The following SLC9C1 variants were observed in gnomAD, a reference collection of about 807,000 sequenced individuals.
The protein encoded by SLC9C1 is sodium/hydrogen exchanger 10.
Under a neutral mutation model 140.9 loss-of-function variants are expected in SLC9C1, and 97 were observed. The ratio of observed to expected loss-of-function variants is 0.69; its 90% CI spans 0.58 to 0.82. SLC9C1 has a LOEUF of 0.82. Ranked by LOEUF, SLC9C1 falls within the 40% of genes least tolerant of loss-of-function variation. The pLI is 0.00. For synonymous variants in SLC9C1, 440 were observed against 442.6 expected, an observed-to-expected ratio of 0.99 and a Z score of 0.07; for missense variants, 1,340 against 1,389.3, an observed-to-expected ratio of 0.96 and a Z score of 0.56.
At chr3:112,290,832 T>A (rs2080659694) in intron 1 of SLC9C1, among the ~76,000 whole-genome samples, 1 of 143,492 alleles carries the variant, frequency 7.0e-6, no homozygotes, top group African/African-American at 2.6e-5. Flanking sequence ...TTTTTTTTGA[T>A]CTTTGTTGGC....
chr3:112,183,252 C>G (rs2077471289), intron 20 of SLC9C1, among the ~76,000 whole-genome samples: 1 of 148,994 alleles, frequency 6.7e-6, no homozygotes, highest in Non-Finnish European at 1.5e-5. Flanking sequence ...TTGGTATTGT[C>G]AATTTAAAAA....
intron 26 of SLC9C1, among the ~76,000 whole-genome samples, chr3:112,162,217 C>G (rs368104619): frequency 6.6e-6 from 1 of 152,178 alleles, no homozygotes; most frequent in South Asian, 2.1e-4. Flanking sequence ...CATCTGCAAA[C>G]AGGGACAATT....
chr3:112,238,107 A>T (rs1263313799), intron 12 of SLC9C1, among the ~76,000 whole-genome samples: 2 of 152,126 alleles, frequency 1.3e-5, no homozygotes, highest in Non-Finnish European at 2.9e-5. Flanking sequence ...TCAGACGTAG[A>T]TTTGGTCTTT....
intron 12 of SLC9C1, among the ~76,000 whole-genome samples, chr3:112,235,872 A>G (rs181661400): frequency 6.6e-6 from 1 of 152,190 alleles, no homozygotes; most frequent in Non-Finnish European, 1.5e-5. Flanking sequence ...TTGGTTTGCC[A>G]GTATTTTATT....
chr3:112,165,082 C>T (rs1398088604), intron 26 of SLC9C1, among the ~76,000 whole-genome samples: 2 of 152,206 alleles, frequency 1.3e-5, no homozygotes, highest in African/African-American at 2.4e-5. Flanking sequence ...GAGGCTTGTG[C>T]GTTCATCACG....
At chr3:112,244,138 TTACCA>T in intron 10 of SLC9C1, 62 bp from the exon 11 acceptor site, 2 of 1,012,400 alleles carry the variant, frequency 2.0e-6, no homozygotes, top group Non-Finnish European at 2.9e-6. Context: ...TAGCCTATAT[TTACCA>T]ATATAAATTA....
At chr3:112,165,971 G>T (rs894029448) in intron 26 of SLC9C1, among the ~76,000 whole-genome samples, 16 of 152,146 alleles carry the variant, frequency 1.1e-4, no homozygotes, top group Non-Finnish European at 1.6e-4. Flanking sequence ...AAGCAATGGC[G>T]GGTCCCCCTC....
Position 112,141,188 on chromosome 3 carries a change from T to C in SLC9C1, c.*84A>G. On this transcript the variant is annotated 3_prime_UTR_variant, in exon 29 of 29. Transcript: ENST00000305815. ...CAGGATCCAACCTGAAGTTACTCCT[T>C]CTTGATGTAGGGAAGTGTGTTTCTG... 2.9e-6 allele frequency: 4 copies of C among 1,382,984 alleles called. No homozygotes were observed. Among genetic ancestry groups the C allele is most frequent in the South Asian group, 1.7e-5 (1 of 59,046 alleles). The allele number at this position is 1,382,984 out of a possible 1,614,324, so 85.7% of individuals were successfully genotyped here. A position where few individuals can be genotyped will look rare whatever the true frequency, so the allele number is the denominator to read the frequency against.
At chr3:112,262,198 C>A (rs1382233945) in intron 10 of SLC9C1, among the ~76,000 whole-genome samples, 1 of 151,944 alleles carries the variant, frequency 6.6e-6, no homozygotes, top group East Asian at 1.9e-4. Flanking sequence ...TGACACTGAT[C>A]TTGAATATTT....
chr3:112,146,588 A>G (rs761341907), intron 28 of SLC9C1, among the ~76,000 whole-genome samples: 1 of 152,166 alleles, frequency 6.6e-6, no homozygotes, highest in African/African-American at 2.4e-5. Flanking sequence ...TCAGAAGTCA[A>G]TTGTTTAATT....
chr3:112,217,601 T>A, intron 14 of SLC9C1, 40 bp from the exon 15 acceptor site: 1 of 1,527,680 alleles, frequency 6.5e-7, no homozygotes, highest in Non-Finnish European at 8.8e-7. Context: ...CTTTAAACAT[T>A]TTGAGATAAG....
intron 1 of SLC9C1, among the ~76,000 whole-genome samples, chr3:112,292,208 T>G (rs1290210745): frequency 1.3e-5 from 2 of 152,150 alleles, no homozygotes; most frequent in Non-Finnish European, 2.9e-5. Flanking sequence ...ACAACAAATC[T>G]CCATGACATG....
chr3:112,160,802 G>A (rs1451301814), intron 26 of SLC9C1, among the ~76,000 whole-genome samples: 1 of 151,564 alleles, frequency 6.6e-6, no homozygotes, highest in Non-Finnish European at 1.5e-5. Context: ...GGATGGCTGG[G>A]TCAAATGGTA....
rs775035225 is a variant in SLC9C1 at position 112,199,333 on chromosome 3, A to T, written c.2511T>A (p.Ala837=). Reference sequence around the variant, plus strand: ...TATTTTGCCTTACCTTATTAATTCCAGCACCTTCAGTTTTACTAATAATTC... The same window carrying T: ...TATTTTGCCTTACCTTATTAATTCCTGCACCTTCAGTTTTACTAATAATTC... ...LKGIISKTEG[A]GINKLIMAKK... is the part of the protein sequence containing the mutation. Residue 837 remains alanine, a synonymous_variant, in exon 20 of 29, where the codon GCT becomes GCA. Coordinates refer to ENST00000305815, the MANE Select transcript of SLC9C1 (RefSeq NM_183061.3). 6.4e-7 allele frequency: 1 copy of T among 1,573,728 alleles called. No homozygotes were observed. The highest frequency in any genetic ancestry group is 8.6e-7 in the Non-Finnish European group (1 of 1,163,934).
In SLC9C1 at chr3:112,263,044, G is replaced by A. The variant is rs1409432306; in HGVS notation, c.1077C>T (p.Phe359=). 6.2e-7 allele frequency: 1 copy of A among 1,600,430 alleles called. No homozygotes were observed. The highest frequency in any genetic ancestry group is 8.5e-7 in the Non-Finnish European group (1 of 1,174,334). The change falls in exon 10 of 29, where the codon TTC becomes TTT. Residue 359 remains phenylalanine (F), a synonymous_variant. Transcript: ENST00000305815. ...SPVLSRVGHE[F]SWRWIFIMVC... ...CCATTATGAATATCCAGCGCCAACT[G>A]AACTCATGACCAACTCGAGACAAAA...
At chr3:112,161,830 G>A (rs1047868775) in intron 26 of SLC9C1, among the ~76,000 whole-genome samples, 1 of 150,310 alleles carries the variant, frequency 6.7e-6, no homozygotes, top group African/African-American at 2.4e-5. Context: ...GCTCGATGGG[G>A]ATGGCATTGA....
At chr3:112,237,137 A>G (rs892331321) in intron 12 of SLC9C1, among the ~76,000 whole-genome samples, 2 of 152,134 alleles carry the variant, frequency 1.3e-5, no homozygotes, top group South Asian at 2.1e-4. Flanking sequence ...TGCTTTATGA[A>G]TCTAGGTGCT....
chr3:112,248,870 T>G (rs757819121), intron 10 of SLC9C1, among the ~76,000 whole-genome samples: 9 of 152,316 alleles, frequency 5.9e-5, no homozygotes, highest in Admixed American at 1.3e-4. Context: ...AAGTTTTCTA[T>G]GTATAAAATC....
In SLC9C1 at chr3:112,270,059, C is replaced by A; in HGVS notation, c.632G>T (p.Gly211Val). The A allele has an allele frequency of 1.3e-6, 2 of 1,566,262 alleles. No homozygotes were observed. The highest frequency in any genetic ancestry group is 1.7e-6 in the Non-Finnish European group (2 of 1,158,932). ...NHTLAEEIVGGICSYIIASFL... is the reference protein window; with the variant it reads ...NHTLAEEIVGVICSYIIASFL... ...ACTTGCTATAATATATGAACAAATT[C>A]CACCCACGATCTCTTCAGCTACAAG... The change falls in exon 7 of 29, where the codon GGA (glycine) becomes GTA (valine). Residue 211 changes from glycine to valine, a missense_variant. Transcript: ENST00000305815.
Sources: allele counts gnomAD v4.1 joint callset (sites outside exome capture counted in the v4.1 genomes callset), GRCh38; gene constraint gnomAD v4.1.1; transcripts MANE v1.5; gene names NCBI Gene and HGNC (gene_info 2026-07-23, HGNC 2026-07-21).